AHRR: variants seen among roughly 807,000 people sequenced by gnomAD.
The protein encoded by AHRR is ahR repressor.
Under a neutral mutation model 44.0 loss-of-function variants are expected in AHRR, and 28 were observed. The ratio of observed to expected loss-of-function variants is 0.64; its 90% confidence interval spans 0.47 to 0.87. AHRR has a LOEUF of 0.87. AHRR is among the 40% of genes least tolerant of loss of function. AHRR has a pLI of 0.00. For synonymous variants in AHRR, 434 were observed against 407.0 expected, an observed-to-expected ratio of 1.07 and a Z score of -0.80; for missense variants, 990 against 953.9, an observed-to-expected ratio of 1.04 and a Z score of -0.50.
At chr5:340,688 ATTTTT>A (rs539789608) in intron 1 of AHRR, among the ~76,000 whole-genome samples, 11 of 12,926 alleles carry the variant, frequency 8.5e-4, no homozygotes, top group South Asian at 4.0e-3. Flanking sequence ...ATATATATAT[ATTTTT>A]TTTTTTTTTT....
chr5:413,551 G>A (rs1735562952), intron 5 of AHRR, 118 bp downstream of exon 5: 1 of 748,556 alleles, frequency 1.3e-6, no homozygotes, highest in Non-Finnish European at 2.2e-6. Context: ...CTATCACTGA[G>A]CTCTTATCAG....
rs1325138053 is a variant in AHRR at position 406,783 on chromosome 5, A to G, written c.352-6561A>G. On this transcript the variant is annotated intron_variant, in intron 4 of 10. Coordinates refer to ENST00000684583, the MANE Select transcript of AHRR (RefSeq NM_001377236.1). This position sits in a 1 kb window ranked among gnomAD's most constrained non-coding sequence, Gnocchi z 4.7. ...AGCATGGGCCACTGCAGTCACGGTG[A>G]TCCAGGAGTAAGGTGAGACCCCGAC... Among the ~76,000 whole-genome samples, 1 of 152,236 alleles carries G rather than the reference A, an allele frequency of 6.6e-6. No homozygotes were observed. The highest frequency in any genetic ancestry group is 1.5e-5 in the Non-Finnish European group (1 of 68,044).
At chr5:433,715 C>T in intron 10 of AHRR, 138 bp from the exon 11 acceptor site, 1 of 1,032,140 alleles carries the variant, frequency 9.7e-7, no homozygotes, top group Non-Finnish European at 1.3e-6. Flanking sequence ...AGGCACAGCG[C>T]AGTGAGGGGT....
intron 1 of AHRR, among the ~76,000 whole-genome samples, chr5:325,134 C>T (rs1223558929): frequency 6.6e-6 from 1 of 152,246 alleles, no homozygotes; most frequent in East Asian, 1.9e-4. Flanking sequence ...AGGATCTGCA[C>T]TAGCCCCACC....
intron 1 of AHRR, among the ~76,000 whole-genome samples, chr5:336,288 C>T (rs1027700634): frequency 3.9e-5 from 6 of 152,226 alleles, no homozygotes; most frequent in African/African-American, 1.4e-4. Context: ...CTCTTGGCCA[C>T]ACATCCTGCC....
At chr5:396,586 C>A (rs1163499281) in intron 4 of AHRR, among the ~76,000 whole-genome samples, 1 of 152,216 alleles carries the variant, frequency 6.6e-6, no homozygotes, top group Admixed American at 6.5e-5. Context: ...TAAGAGAAAT[C>A]CACGTTTTAC....
At chr5:416,239 C>T (rs990389055) in intron 5 of AHRR, among the ~76,000 whole-genome samples, 10 of 152,242 alleles carry the variant, frequency 6.6e-5, no homozygotes, top group African/African-American at 9.6e-5. Flanking sequence ...CTGTTGGGAA[C>T]GCAGTGCAGG....
At position 434,717 on chromosome 5, in the gene AHRR, C is replaced by G. The variant is rs781721819; in HGVS notation, c.1977C>G (p.Pro659=). Residue 659 remains proline (P), a synonymous_variant, in exon 11 of 11, where the codon CCC becomes CCG. Transcript: ENST00000684583. ...CCGCCCCTGTGGTCAAGCGGGAGCC[C>G]TTGGACTCACCCCAGTGGGCTACTC... ...AEAAPVVKRE[P]LDSPQWATHS... is the part of the protein sequence containing the mutation. 1.9e-6 allele frequency: 3 copies of G among 1,573,702 alleles called. No individual in the cohort carries two copies. The highest frequency in any genetic ancestry group is 3.4e-4 in the Middle Eastern group (2 of 5,916).
intron 4 of AHRR, among the ~76,000 whole-genome samples, chr5:391,367 C>T (rs1159743135): frequency 1.3e-3 from 144 of 109,552 alleles, no homozygotes; most frequent in Non-Finnish European, 1.7e-3. Flanking sequence ...AGGGCCAGAG[C>T]GTGCATGGGC....
intron 4 of AHRR, among the ~76,000 whole-genome samples, chr5:385,950 T>C (rs1207105195): frequency 6.6e-6 from 1 of 152,222 alleles, no homozygotes. Context: ...TTGAACTGCC[T>C]TTAACTTCAC....
At chr5:393,798 C>T (rs988457657) in intron 4 of AHRR, among the ~76,000 whole-genome samples, 8 of 152,080 alleles carry the variant, frequency 5.3e-5, no homozygotes, top group South Asian at 2.1e-4. Flanking sequence ...CCACAATGCC[C>T]GGCTAATTTT....
chr5:426,387 G>GATGGATGA (rs1489465463), intron 7 of AHRR, among the ~76,000 whole-genome samples: 5 of 150,892 alleles, frequency 3.3e-5, no homozygotes, highest in African/African-American at 1.2e-4. Context: ...CAGATGGAAA[G>GATGGATGA]ATGGATGAAT....
intron 9 of AHRR, 120 bp downstream of exon 9, chr5:432,644 G>C: frequency 6.7e-7 from 1 of 1,503,086 alleles, no homozygotes; most frequent in Non-Finnish European, 9.2e-7. Context: ...ATTTTGCAGA[G>C]ACTTGGTGTC....
chr5:379,001 G>A (rs879862614), intron 4 of AHRR, among the ~76,000 whole-genome samples: 2 of 152,214 alleles, frequency 1.3e-5, no homozygotes, highest in Non-Finnish European at 2.9e-5. Context: ...AAGATTCAGA[G>A]CCATCCCCTC....
chr5:421,881 C>T (rs1736141228), intron 5 of AHRR, among the ~76,000 whole-genome samples: 1 of 152,192 alleles, frequency 6.6e-6, no homozygotes, highest in African/African-American at 2.4e-5. Flanking sequence ...TCTTAAGGAG[C>T]TCCTCCTCCA....
chr5:345,308 GGGGA>G (rs1188889663), intron 2 of AHRR, among the ~76,000 whole-genome samples: 2 of 113,722 alleles, frequency 1.8e-5, no homozygotes, highest in African/African-American at 4.6e-5. Flanking sequence ...GGCTGTGTGT[GGGGA>G]TGTGTGTGTG....
chr5:413,834 G>A (rs1380206257), intron 5 of AHRR, among the ~76,000 whole-genome samples: 1 of 152,194 alleles, frequency 6.6e-6, no homozygotes, highest in East Asian at 1.9e-4. Context: ...CCTTCCTGAC[G>A]TGCGAGTGGT....
In AHRR at chr5:434,958, T is replaced by C. The variant is rs758050875; in HGVS notation, c.*124T>C. ...GACACACGCTTTGCAGAGCTGTGCATGCGCAGTCTGCTAGTGTGTGTGTGC... is the reference window on the plus strand; with the variant it reads ...GACACACGCTTTGCAGAGCTGTGCACGCGCAGTCTGCTAGTGTGTGTGTGC... On this transcript the variant is annotated 3_prime_UTR_variant, in exon 11 of 11. Transcript: ENST00000684583. 50 of 1,313,246 alleles carry C rather than the reference T, an allele frequency of 3.8e-5. No homozygotes were observed. Among genetic ancestry groups the C allele is most frequent in the Non-Finnish European group, 4.8e-5 (47 of 981,826 alleles). 81.3% of individuals were successfully genotyped at this position (1,313,246 alleles called of 1,614,324 possible). A position where few individuals can be genotyped will look rare whatever the true frequency, so the allele number is the denominator to read the frequency against.
chr5:422,697 A>G, intron 5 of AHRR, 32 bp from the exon 6 acceptor site: 1 of 1,614,090 alleles, frequency 6.2e-7, no homozygotes, highest in Admixed American at 1.7e-5. Context: ...CACTTGGGGT[A>G]AGGCTGAAAT....
Sources: allele counts gnomAD v4.1 joint callset (sites outside exome capture counted in the v4.1 genomes callset), GRCh38; gene constraint gnomAD v4.1.1; non-coding constraint Gnocchi (gnomAD v3.1); transcripts MANE v1.5; gene names NCBI Gene and HGNC (gene_info 2026-07-23, HGNC 2026-07-21).